The following FYB1 variants were observed in gnomAD, a reference collection of about 807,000 sequenced individuals.
FYB1 encodes the protein FYN-binding protein 1.
In FYB1, 41 loss-of-function variants were observed where a neutral mutation model predicts 94.1. The ratio of observed to expected loss-of-function variants is 0.44; its 90% CI spans 0.34 to 0.57. The LOEUF (loss-of-function observed/expected upper bound fraction) is 0.57. Ranked by LOEUF, FYB1 falls within the 20% of genes least tolerant of loss-of-function variation. The probability of loss-of-function intolerance (pLI) is 0.02; values close to 1 mark genes in which losing one functional copy is unlikely to be tolerated. For synonymous variants in FYB1, 367 were observed against 353.2 expected, an observed-to-expected ratio of 1.04 and a Z score of -0.44; for missense variants, 1,050 against 976.8, an observed-to-expected ratio of 1.07 and a Z score of -1.00.
At chr5:39,203,681 G>T (rs1185103592) in intron 1 of FYB1, among the ~76,000 whole-genome samples, 1 of 152,146 alleles carries the variant, frequency 6.6e-6, no homozygotes, top group African/African-American at 2.4e-5. Context: ...GAATTGTTCT[G>T]TTTAGAGGTT....
At chr5:39,148,532 C>T (rs889912312) in intron 3 of FYB1, among the ~76,000 whole-genome samples, 2 of 150,950 alleles carry the variant, frequency 1.3e-5, no homozygotes, top group Non-Finnish European at 2.9e-5. Context: ...ATTTAACCCA[C>T]GAGGAATTTG....
At chr5:39,222,916 A>G (rs1023013997), upstream of FYB1, among the ~76,000 whole-genome samples, 2 of 152,066 alleles carry the variant, frequency 1.3e-5, no homozygotes, top group African/African-American at 4.8e-5. Flanking sequence ...TCTTATAATC[A>G]ATAAAAGAGG....
chr5:39,177,079 G>A (rs1479021570), intron 2 of FYB1, among the ~76,000 whole-genome samples: 3 of 152,130 alleles, frequency 2.0e-5, no homozygotes, highest in Non-Finnish European at 4.4e-5. Flanking sequence ...TTTTGTCCTG[G>A]CAACAGTAGA....
chr5:39,181,732 T>C (rs922650790), intron 2 of FYB1, among the ~76,000 whole-genome samples: 24 of 152,214 alleles, frequency 1.6e-4, no homozygotes, highest in African/African-American at 5.5e-4. Flanking sequence ...CCTTGACACC[T>C]ACTCATTCTC....
At chr5:39,129,021 A>T (rs1227099671) in intron 10 of FYB1, among the ~76,000 whole-genome samples, 4 of 152,148 alleles carry the variant, frequency 2.6e-5, no homozygotes, top group African/African-American at 9.6e-5. Context: ...TAGCCAAAGC[A>T]ATCCTGAGCA....
At chr5:39,230,525 A>G (rs1362802) in intron 1 of FYB1, among the ~76,000 whole-genome samples, 24,618 of 151,964 alleles carry the variant, frequency 0.16, 5,309 homozygotes, top group African/African-American at 0.47. Flanking sequence ...TTGTCACAGC[A>G]TATATATATG....
In FYB1 at chr5:39,106,984, A is replaced by G. The variant is rs1738577206; in HGVS notation, c.*459T>C. 6.6e-6 allele frequency: 1 copy of G among 152,332 alleles called. No individual in the cohort carries two copies. The highest frequency in any genetic ancestry group is 2.4e-5 in the African/African-American group (1 of 41,574). The allele number at this position is 152,332 out of a possible 1,614,324, so 9.4% of individuals were successfully genotyped here. On this transcript the variant is annotated 3_prime_UTR_variant, in exon 19 of 19. Coordinates refer to ENST00000512982, the MANE Select transcript of FYB1 (RefSeq NM_001465.6). Reference sequence around the variant, plus strand: ...GTCACTTGAATAGAGAATATAAGATATAACCATAAGTAGAAGTATAAACAA... The same window carrying G: ...GTCACTTGAATAGAGAATATAAGATGTAACCATAAGTAGAAGTATAAACAA...
intron 14 of FYB1, 120 bp downstream of exon 14, chr5:39,122,216 G>T: frequency 1.5e-6 from 1 of 666,852 alleles, no homozygotes; most frequent in Admixed American, 2.4e-5. Context: ...TTAGAGAGGA[G>T]TCCAGAGCCA....
chr5:39,209,836 C>A (rs575463154), intron 1 of FYB1, among the ~76,000 whole-genome samples: 1 of 152,184 alleles, frequency 6.6e-6, no homozygotes, highest in Non-Finnish European at 1.5e-5. Context: ...TTAAATTTCA[C>A]CTTGATTGGT....
Position 39,202,142 on chromosome 5 carries a change from T to C in FYB1, c.819A>G (p.Pro273=), listed in dbSNP as rs141281683. ...VLKPAASRGG[P]GLSKNGEEKK... The stretch of plus-strand genomic sequence containing the variant: ...TTTCTTCACCATTTTTGGAGAGACC[T>C]GGGCCTCCCCTGCTCGCAGCAGGTT... The change falls in exon 2 of 19, where the codon CCA becomes CCG. Residue 273 remains proline, a synonymous_variant. Transcript: ENST00000512982. 53 of 1,614,010 alleles carry C rather than the reference T, an allele frequency of 3.3e-5. No individual in the cohort carries two copies. The African/African-American group carries it at 6.9e-4, about 21-fold the overall frequency.
At chr5:39,125,509 T>C (rs966747676) in intron 12 of FYB1, among the ~76,000 whole-genome samples, 6 of 152,168 alleles carry the variant, frequency 3.9e-5, no homozygotes, top group Non-Finnish European at 7.4e-5. Flanking sequence ...TTATTGTACT[T>C]AGAGAAAAAA....
At chr5:39,122,646 G>A (rs926101094) in intron 13 of FYB1, among the ~76,000 whole-genome samples, 3 of 151,894 alleles carry the variant, frequency 2.0e-5, no homozygotes, top group African/African-American at 4.8e-5. Context: ...TCGTTATCTG[G>A]AAAAAAACTC....
intron 1 of FYB1, among the ~76,000 whole-genome samples, chr5:39,270,126 T>C (rs554331637): frequency 2.6e-5 from 4 of 152,278 alleles, no homozygotes; most frequent in Admixed American, 2.0e-4. Flanking sequence ...AAATACATTT[T>C]CAAACAAAAG....
At chr5:39,114,983 G>T (rs1398606090) in intron 16 of FYB1, among the ~76,000 whole-genome samples, 1 of 152,134 alleles carries the variant, frequency 6.6e-6, no homozygotes, top group Non-Finnish European at 1.5e-5. Flanking sequence ...TGATGGTGTG[G>T]CTAGGAGTAG....
At chr5:39,190,224 T>A (rs1414467389) in intron 2 of FYB1, among the ~76,000 whole-genome samples, 1 of 152,160 alleles carries the variant, frequency 6.6e-6, no homozygotes, top group Non-Finnish European at 1.5e-5. Flanking sequence ...TGGGTTTCAC[T>A]GACCGAAAAG....
At position 39,219,425 on chromosome 5, in the gene FYB1, C is replaced by A; in HGVS notation, c.-28+18G>T. On this transcript the variant is annotated intron_variant, in intron 1 of 18. Transcript: ENST00000512982. Reference sequence around the variant, plus strand: ...TTACACATTTATTTGAAAGAAGAAACCTAGGCATAGCTGTTACCTGACTCC... The same window carrying A: ...TTACACATTTATTTGAAAGAAGAAAACTAGGCATAGCTGTTACCTGACTCC... 1.0e-6 allele frequency: 1 copy of A among 985,374 alleles called. No homozygotes were observed. Among genetic ancestry groups the A allele is most frequent in the African/African-American group, 1.7e-5 (1 of 57,326 alleles). The allele number at this position is 985,374 out of a possible 1,614,324, so 61.0% of individuals were successfully genotyped here.
chr5:39,265,883 C>T (rs1752417631), intron 1 of FYB1, among the ~76,000 whole-genome samples: 1 of 151,876 alleles, frequency 6.6e-6, no homozygotes, highest in African/African-American at 2.4e-5. Context: ...AGTGACAGTG[C>T]AATTTGACTA....
At chr5:39,247,579 C>A (rs1276935008) in intron 1 of FYB1, among the ~76,000 whole-genome samples, 1 of 151,956 alleles carries the variant, frequency 6.6e-6, no homozygotes, top group Non-Finnish European at 1.5e-5. Context: ...AAAAATCTCA[C>A]CAAATAAAGG....
rs374260986 is a variant in FYB1 at position 39,116,530 on chromosome 5, A to G, written c.2401+2344T>C. 9.2e-5 allele frequency among the ~76,000 whole-genome samples: 14 copies of G among 152,332 alleles called. No homozygotes were observed. In the East Asian group the frequency reaches 1.9e-3, roughly 21 times the overall value. On this transcript the variant is annotated intron_variant, in intron 16 of 18. Coordinates refer to ENST00000512982, the MANE Select transcript of FYB1 (RefSeq NM_001465.6). ...GGAGGCCTGTAGTATTTGTAATAGT[A>G]CTTAGAATTATTGATGTTCAAATAG...
Sources: allele counts gnomAD v4.1 joint callset (sites outside exome capture counted in the v4.1 genomes callset), GRCh38; gene constraint gnomAD v4.1.1; transcripts MANE v1.5; gene names NCBI Gene and HGNC (gene_info 2026-07-23, HGNC 2026-07-21).